TAF12: variants seen among roughly 807,000 people sequenced by gnomAD.
The protein encoded by TAF12 is transcription initiation factor TFIID subunit 12.
In TAF12, 3 loss-of-function variants were observed where a neutral mutation model predicts 20.8. The observed-to-expected ratio is 0.14, with a 90% CI of 0.07 to 0.37. The LOEUF (loss-of-function observed/expected upper bound fraction) is 0.37, where lower values mean the gene tolerates loss of function less well. Among genes scored for constraint, TAF12 ranks in the 10% least tolerant of loss-of-function variants. TAF12 has a pLI of 1.00. For missense variants in TAF12, 131 were observed against 197.9 expected (o/e 0.66, Z 2.03); for synonymous variants, 69 against 70.2 (o/e 0.98, Z 0.09).
chr1:28,634,329 T>C lies in TAF12; in HGVS notation c.-85+8663A>G, dbSNP rs962847663. Among the ~76,000 whole-genome samples, 5 of 145,818 alleles carry C rather than the reference T, an allele frequency of 3.4e-5. No homozygotes were observed. In the South Asian group the frequency reaches 6.3e-4, roughly 18 times the overall value. ...TATTTAGGAGGCTGAGGCAGGACAA[T>C]AGCTTGAACTCGGGAGGCAGGGGTT... is the stretch of plus-strand genomic sequence containing the variant. On this transcript the variant is annotated intron_variant, in intron 1 of 5. Coordinates refer to ENST00000373824, the MANE Select transcript of TAF12 (RefSeq NM_005644.4).
chr1:28,639,156 C>T (rs750959921), intron 1 of TAF12, among the ~76,000 whole-genome samples: 33 of 150,590 alleles, frequency 2.2e-4, no homozygotes, highest in Non-Finnish European at 3.7e-4. Flanking sequence ...CTCACTGCAA[C>T]TTCCACCTCC....
At chr1:28,624,403 T>C (rs777906635) in intron 1 of TAF12, among the ~76,000 whole-genome samples, 27 of 152,140 alleles carry the variant, frequency 1.8e-4, no homozygotes, top group Non-Finnish European at 5.9e-5. Flanking sequence ...TCTATCCTAC[T>C]CTTGTCCCTA....
At chr1:28,642,862 C>T (rs1668083577) in intron 1 of TAF12, 130 bp downstream of exon 1, 2 of 985,884 alleles carry the variant, frequency 2.0e-6, no homozygotes, top group African/African-American at 1.7e-5. Context: ...CAGTCCCTTC[C>T]CAAGAGCCTG....
intron 2 of TAF12, among the ~76,000 whole-genome samples, chr1:28,619,276 G>A (rs1480347516): frequency 6.6e-6 from 1 of 151,618 alleles, no homozygotes; most frequent in Non-Finnish European, 1.5e-5. Context: ...AGCGGATCAC[G>A]AGGTGAGAAG....
intron 1 of TAF12, among the ~76,000 whole-genome samples, chr1:28,625,326 C>G (rs1266863859): frequency 6.6e-6 from 1 of 152,098 alleles, no homozygotes; most frequent in Non-Finnish European, 1.5e-5. Flanking sequence ...ACTGTTTGAG[C>G]CCAGGACTTT....
At chr1:28,641,851 A>AG (rs1446869419) in intron 1 of TAF12, among the ~76,000 whole-genome samples, 2 of 151,888 alleles carry the variant, frequency 1.3e-5, no homozygotes, top group Non-Finnish European at 2.9e-5. Context: ...CAAAGATTCT[A>AG]GAAGCATTTA....
intron 1 of TAF12, among the ~76,000 whole-genome samples, chr1:28,629,048 G>T (rs1667532499): frequency 1.3e-5 from 2 of 152,202 alleles, no homozygotes; most frequent in East Asian, 3.9e-4. Context: ...TCTAGCTGGG[G>T]TGACAGAGCA....
At chr1:28,607,661 G>C (rs2124296384) in intron 4 of TAF12, among the ~76,000 whole-genome samples, 1 of 152,050 alleles carries the variant, frequency 6.6e-6, no homozygotes, top group South Asian at 2.1e-4. Context: ...GACAGAGCGA[G>C]ACTCCATCTC....
At chr1:28,620,176 C>T (rs1433662370) in intron 2 of TAF12, among the ~76,000 whole-genome samples, 1 of 151,418 alleles carries the variant, frequency 6.6e-6, no homozygotes, top group Non-Finnish European at 1.5e-5. Flanking sequence ...TTCTATCACC[C>T]AGGCTGGAGT....
chr1:28,617,355 G>T (rs572958998), intron 3 of TAF12, among the ~76,000 whole-genome samples: 1 of 151,916 alleles, frequency 6.6e-6, no homozygotes, highest in Admixed American at 6.6e-5. Context: ...TACAATCTTG[G>T]CTTACTGCAA....
chr1:28,631,075 ATAGAT>A (rs1470612282), intron 1 of TAF12, among the ~76,000 whole-genome samples: 1 of 151,450 alleles, frequency 6.6e-6, no homozygotes, highest in Non-Finnish European at 1.5e-5. Context: ...AAGATATGTC[ATAGAT>A]TAGGAGAAAA....
intron 4 of TAF12, among the ~76,000 whole-genome samples, chr1:28,612,418 G>A (rs12077221): frequency 0.055 from 8,171 of 149,674 alleles, 261 homozygotes; most frequent in African/African-American, 0.099. Flanking sequence ...ACTCTAACCT[G>A]GGTGACAGTG....
intron 1 of TAF12, among the ~76,000 whole-genome samples, chr1:28,629,766 G>C (rs902945425): frequency 2.7e-5 from 4 of 150,424 alleles, no homozygotes; most frequent in African/African-American, 9.8e-5. Flanking sequence ...TCAGCCTCTT[G>C]AGTAGCTGGG....
At chr1:28,626,592 A>G (rs1315857749) in intron 1 of TAF12, among the ~76,000 whole-genome samples, 1 of 151,576 alleles carries the variant, frequency 6.6e-6, no homozygotes. Context: ...AAAAAAAAAA[A>G]AAAAAAAGCA....
intron 1 of TAF12, among the ~76,000 whole-genome samples, chr1:28,628,248 G>A (rs1383964586): frequency 4.6e-5 from 4 of 87,186 alleles, no homozygotes; most frequent in Non-Finnish European, 6.7e-5. Context: ...GGGGGCGCCT[G>A]TAATCCCTTG....
intron 1 of TAF12, among the ~76,000 whole-genome samples, 162 bp from the exon 2 acceptor site, chr1:28,622,327 T>G (rs1667245635): frequency 7.0e-6 from 1 of 143,792 alleles, no homozygotes; most frequent in African/African-American, 2.6e-5. Flanking sequence ...CAAGACCAGC[T>G]TGGGCAACAT....
chr1:28,626,288 T>C (rs1488991604), intron 1 of TAF12, among the ~76,000 whole-genome samples: 1 of 150,884 alleles, frequency 6.6e-6, no homozygotes, highest in African/African-American at 2.4e-5. Context: ...TCAGCCTAAA[T>C]TTTTTTTAGG....
At chr1:28,639,473 C>A (rs983466981) in intron 1 of TAF12, among the ~76,000 whole-genome samples, 2 of 144,128 alleles carry the variant, frequency 1.4e-5, no homozygotes, top group Non-Finnish European at 3.0e-5. Flanking sequence ...TTGTTCCTAT[C>A]GGCTCTAATT....
intron 1 of TAF12, among the ~76,000 whole-genome samples, chr1:28,623,029 C>T (rs927033660): frequency 3.3e-5 from 5 of 150,518 alleles, no homozygotes; most frequent in South Asian, 4.2e-4. Flanking sequence ...TCGCCCCCAC[C>T]GCCCCACAAA....
Sources: gnomAD v4.1 joint callset for allele counts (sites outside exome capture counted in the v4.1 genomes callset) on GRCh38, gnomAD v4.1.1 for gene constraint, MANE v1.5 for transcripts, NCBI Gene and HGNC (gene_info 2026-07-23, HGNC 2026-07-21) for gene names.